Variants in KCNK12 observed in about 807,000 individuals in gnomAD.
The protein encoded by KCNK12 is potassium two pore domain channel subfamily K member 12.
KCNK12 carries 6 observed loss-of-function variants against 25.3 expected under a neutral mutation model. The ratio of observed to expected loss-of-function variants is 0.24; its 90% CI spans 0.13 to 0.47. KCNK12 has a LOEUF of 0.47. Among genes scored for constraint, KCNK12 ranks in the 20% least tolerant of loss-of-function variants. The pLI is 0.99. For missense variants in KCNK12, 444 were observed against 661.7 expected, an observed-to-expected ratio of 0.67 and a Z score of 3.61; for synonymous variants, 331 against 311.1, an observed-to-expected ratio of 1.06 and a Z score of -0.67.
Position 47,551,753 on chromosome 2 carries a change from A to C in KCNK12, c.391+18188T>G, listed in dbSNP as rs2104850371. 6.6e-6 allele frequency among the ~76,000 whole-genome samples: 1 copy of C among 152,304 alleles called. No homozygotes were observed. Among genetic ancestry groups the C allele is most frequent in the African/African-American group, 2.4e-5 (1 of 41,564 alleles). Reference sequence around the variant, plus strand: ...AAATATTTTGGTGCTAGTCCTGGGGAAGGCAGATTATTGGTTTAAGATTCA... The same window carrying C: ...AAATATTTTGGTGCTAGTCCTGGGGCAGGCAGATTATTGGTTTAAGATTCA... On this transcript the variant is annotated intron_variant, in intron 1 of 1. Coordinates refer to ENST00000327876, the MANE Select transcript of KCNK12 (RefSeq NM_022055.2). This position sits in a 1 kb window ranked among gnomAD's most constrained non-coding sequence, Gnocchi z 5.3.
At chr2:47,536,824 CTG>C (rs1669080555) in intron 1 of KCNK12, among the ~76,000 whole-genome samples, 2 of 152,236 alleles carry the variant, frequency 1.3e-5, no homozygotes, top group South Asian at 4.1e-4. Context: ...ACTTCTATGA[CTG>C]GGCATCTTAA....
At position 47,560,496 on chromosome 2, in the gene KCNK12, C is replaced by G. The variant is rs1034153210; in HGVS notation, c.391+9445G>C. 1.3e-5 allele frequency among the ~76,000 whole-genome samples: 2 copies of G among 152,176 alleles called. No individual in the cohort carries two copies. Among genetic ancestry groups the G allele is most frequent in the African/African-American group, 4.8e-5 (2 of 41,452 alleles). ...CCCACACAACCCTGCAGACCCCAGG[C>G]TGGGCTATGGTTCTTCCCCCTCTGT... On this transcript the variant is annotated intron_variant, in intron 1 of 1. Transcript: ENST00000327876. This position sits in a 1 kb window ranked among gnomAD's most constrained non-coding sequence, Gnocchi z 4.7.
At chr2:47,522,812 G>C (rs1359412069) in intron 1 of KCNK12, among the ~76,000 whole-genome samples, 1 of 152,162 alleles carries the variant, frequency 6.6e-6, no homozygotes, top group Non-Finnish European at 1.5e-5. Context: ...TCAATTCCCA[G>C]ATGACTCCAA....
At chr2:47,526,321 C>G (rs12612893) in intron 1 of KCNK12, among the ~76,000 whole-genome samples, 63,002 of 147,242 alleles carry the variant, frequency 0.43, 14,721 homozygotes, top group African/African-American at 0.63. Flanking sequence ...CAGGAGAATG[C>G]CGTGAACCCA....
rs1456291716 is a variant in KCNK12, at chr2:47,518,033, A to G, written c.*2874T>C. On this transcript the variant is annotated 3_prime_UTR_variant, in exon 2 of 2. Coordinates refer to ENST00000327876, the MANE Select transcript of KCNK12 (RefSeq NM_022055.2). The surrounding 1 kb of genome is among the most constrained non-coding windows in gnomAD (Gnocchi z 4.1). ...ACAGTGAGAGAGGCCACAGCATCTG[A>G]GGGAATGGAGCTCTTTCTTGGCCTG... The G allele has an allele frequency of 6.6e-6, 1 of 152,182 alleles. No individual in the cohort carries two copies. The highest frequency in any genetic ancestry group is 1.5e-5 in the Non-Finnish European group (1 of 68,056). 9.4% of individuals were successfully genotyped at this position (152,182 alleles called of 1,614,324 possible).
rs1388952149 is a variant in KCNK12, at chr2:47,556,257, G to C, written c.391+13684C>G. On this transcript the variant is annotated intron_variant, in intron 1 of 1. Transcript: ENST00000327876. This position sits in a 1 kb window ranked among gnomAD's most constrained non-coding sequence, Gnocchi z 4.8. ...GAACTAAGCCCTGGAGGAAGTTAGAGGAAGTGAGACCCAGTGAAGCTGGCA... is the reference window on the plus strand; with the variant it reads ...GAACTAAGCCCTGGAGGAAGTTAGACGAAGTGAGACCCAGTGAAGCTGGCA... Among the ~76,000 whole-genome samples the C allele has an allele frequency of 6.6e-6, 1 of 152,246 alleles. No individual in the cohort carries two copies. Among genetic ancestry groups the C allele is most frequent in the Non-Finnish European group, 1.5e-5 (1 of 68,050 alleles).
At chr2:47,552,777 G>GA (rs545489133) in intron 1 of KCNK12, among the ~76,000 whole-genome samples, 81 of 149,798 alleles carry the variant, frequency 5.4e-4, no homozygotes, top group African/African-American at 3.7e-4. Context: ...CCAAAAAAAA[G>GA]AAAAAAAAAG....
chr2:47,511,269 C>G lies in KCNK12; in HGVS notation c.*9638G>C, dbSNP rs1466417724. ...TCAAGCAAATCTTCCATTTTTTGTT[C>G]CCCTGCTGCCAGAGCATGGCAGAGT... On this transcript the variant is annotated 3_prime_UTR_variant, in exon 2 of 2. Coordinates refer to ENST00000327876, the MANE Select transcript of KCNK12 (RefSeq NM_022055.2). The surrounding 1 kb of genome is among the most constrained non-coding windows in gnomAD (Gnocchi z 4.3). Among the ~76,000 whole-genome samples, 1 of 152,080 alleles carries G rather than the reference C, an allele frequency of 6.6e-6. No individual in the cohort carries two copies. Among genetic ancestry groups the G allele is most frequent in the Non-Finnish European group, 1.5e-5 (1 of 68,002 alleles).
In KCNK12 at chr2:47,513,151, A is replaced by G. The variant is rs1668443876; in HGVS notation, c.*7756T>C. The stretch of plus-strand genomic sequence containing the variant: ...ACTTTTACCAACGGAAGCCAGTATT[A>G]TTTTGAACCTCTGTTAGAGTGGCTT... On this transcript the variant is annotated 3_prime_UTR_variant, in exon 2 of 2. Coordinates refer to ENST00000327876, the MANE Select transcript of KCNK12 (RefSeq NM_022055.2). The G allele has an allele frequency of 6.6e-6, 1 of 152,258 alleles. No homozygotes were observed. Among genetic ancestry groups the G allele is most frequent in the Non-Finnish European group, 1.5e-5 (1 of 68,066 alleles). 9.4% of individuals were successfully genotyped at this position (152,258 alleles called of 1,614,324 possible). A position where few individuals can be genotyped will look rare whatever the true frequency, so the allele number is the denominator to read the frequency against.
At position 47,533,935 on chromosome 2, in the gene KCNK12, A is replaced by G. The variant is rs972966758; in HGVS notation, c.392-12127T>C. Among the ~76,000 whole-genome samples the G allele has an allele frequency of 1.3e-5, 2 of 151,916 alleles. No homozygotes were observed. The highest frequency in any genetic ancestry group is 4.8e-5 in the African/African-American group (2 of 41,312). ...GCAGTGATCCGGACAGAGAGGCTCC[A>G]GTCAGCCAGGCACAGAGAAAATGGC... On this transcript the variant is annotated intron_variant, in intron 1 of 1. Coordinates refer to ENST00000327876, the MANE Select transcript of KCNK12 (RefSeq NM_022055.2). This position sits in a 1 kb window ranked among gnomAD's most constrained non-coding sequence, Gnocchi z 4.7.
At chr2:47,532,090 C>T (rs1668944822) in intron 1 of KCNK12, among the ~76,000 whole-genome samples, 1 of 152,128 alleles carries the variant, frequency 6.6e-6, no homozygotes, top group African/African-American at 2.4e-5. Context: ...ATTCATTCAA[C>T]AAACATTTAT....
intron 1 of KCNK12, chr2:47,561,951 G>A (rs1446280912): frequency 2.5e-6 from 1 of 397,328 alleles, no homozygotes; most frequent in Non-Finnish European, 4.4e-6. Flanking sequence ...AAGGACCTTG[G>A]GCATTCCCTT....
At chr2:47,521,881 T>TTCCTCTGGGGGGGGGGGGGGGGGGTGG in intron 1 of KCNK12, 73 bp from the exon 2 acceptor site, 1 of 212,176 alleles carries the variant, frequency 4.7e-6, no homozygotes, top group Non-Finnish European at 7.7e-6. Context: ...GTGGGGGGTG[T>TTCCTCTGGGGGGGGGGGGGGGGGGTGG]GGGGGCGGGG....
Position 47,540,076 on chromosome 2 carries a change from G to A in KCNK12, c.392-18268C>T, listed in dbSNP as rs116254279. Among the ~76,000 whole-genome samples the A allele has an allele frequency of 1.8e-3, 272 of 152,280 alleles. 2 individuals carry two copies. Among genetic ancestry groups the A allele is most frequent in the African/African-American group, 6.3e-3 (261 of 41,546 alleles). ...GATGGTTGTGGGGATCAGAGGGGAG[G>A]GGACAGCTGGCGGATTTAGCAGAGT... On this transcript the variant is annotated intron_variant, in intron 1 of 1. Transcript: ENST00000327876. The surrounding 1 kb of genome is among the most constrained non-coding windows in gnomAD (Gnocchi z 5.4).
chr2:47,509,637 A>G lies in KCNK12; in HGVS notation c.*11270T>C, dbSNP rs868338977. On this transcript the variant is annotated 3_prime_UTR_variant, in exon 2 of 2. Coordinates refer to ENST00000327876, the MANE Select transcript of KCNK12 (RefSeq NM_022055.2). The stretch of plus-strand genomic sequence containing the variant: ...CACGATTCTGTCACCCAGTCAGGTC[A>G]TCAGTGTCAGAGAGCTAGGTGGCCA... 6.6e-6 allele frequency among the ~76,000 whole-genome samples: 1 copy of G among 152,238 alleles called. No individual in the cohort carries two copies. The highest frequency in any genetic ancestry group is 6.5e-5 in the Admixed American group (1 of 15,290).
rs1033073032 is a variant in KCNK12 at position 47,516,964 on chromosome 2, C to T, written c.*3943G>A. On this transcript the variant is annotated 3_prime_UTR_variant, in exon 2 of 2. Transcript: ENST00000327876. Reference sequence around the variant, plus strand: ...GTCAGGAATGGCCTCAGCAGGCCCTCCCTCCCTCCCTCTCCACCCTACAAA... The same window carrying T: ...GTCAGGAATGGCCTCAGCAGGCCCTTCCTCCCTCCCTCTCCACCCTACAAA... 2 of 151,880 alleles carry T rather than the reference C, an allele frequency of 1.3e-5. No homozygotes were observed. The highest frequency in any genetic ancestry group is 1.3e-4 in the Admixed American group (2 of 15,258). 9.4% of individuals were successfully genotyped at this position (151,880 alleles called of 1,614,324 possible). A position where few individuals can be genotyped will look rare whatever the true frequency, so the allele number is the denominator to read the frequency against.
At chr2:47,554,976 A>G (rs1412581095) in intron 1 of KCNK12, among the ~76,000 whole-genome samples, 1 of 152,222 alleles carries the variant, frequency 6.6e-6, no homozygotes, top group Admixed American at 6.5e-5. Flanking sequence ...TATATGGATG[A>G]CATTTATTGA....
Position 47,569,608 on chromosome 2 carries a change from G to A in KCNK12, c.391+333C>T, listed in dbSNP as rs887893215. On this transcript the variant is annotated intron_variant, in intron 1 of 1. Coordinates refer to ENST00000327876, the MANE Select transcript of KCNK12 (RefSeq NM_022055.2). This position sits in a 1 kb window ranked among gnomAD's most constrained non-coding sequence, Gnocchi z 4.1. ...GGAAACTGAGGCCTGGGGGTTGTGG[G>A]TGGAAAACAGGAAGGAACCGGTAGC... Among the ~76,000 whole-genome samples the A allele has an allele frequency of 3.3e-5, 5 of 152,152 alleles. No individual in the cohort carries two copies. The highest frequency in any genetic ancestry group is 3.9e-4 in the East Asian group (2 of 5,164).
chr2:47,567,483 C>A (rs1271522940), intron 1 of KCNK12, among the ~76,000 whole-genome samples: 1 of 152,192 alleles, frequency 6.6e-6, no homozygotes, highest in Non-Finnish European at 1.5e-5. Flanking sequence ...TAAACCTCAT[C>A]CAAATGCATT....
Sources: allele counts gnomAD v4.1 joint callset (sites outside exome capture counted in the v4.1 genomes callset), GRCh38; gene constraint gnomAD v4.1.1; non-coding constraint Gnocchi (gnomAD v3.1); transcripts MANE v1.5; gene names NCBI Gene and HGNC (gene_info 2026-07-23, HGNC 2026-07-21).